Variants in RAPGEF2 observed in about 807,000 individuals in gnomAD.
The protein encoded by RAPGEF2 is Rap guanine nucleotide exchange factor 2, also known as PDZ domain containing guanine nucleotide exchange factor (GEF) 1.
In RAPGEF2, 54 loss-of-function variants were observed where a neutral mutation model predicts 186.7. The ratio of observed to expected loss-of-function variants is 0.29; its 90% CI spans 0.23 to 0.36. The LOEUF (loss-of-function observed/expected upper bound fraction) is 0.36. RAPGEF2 is among the 10% of genes least tolerant of loss of function. The pLI, the probability that RAPGEF2 is intolerant of heterozygous loss-of-function variation, is 1.00. For missense variants in RAPGEF2, 1,532 were observed against 2,045.0 expected, an observed-to-expected ratio of 0.75 and a Z score of 4.84; for synonymous variants, 712 against 705.9, an observed-to-expected ratio of 1.01 and a Z score of -0.14.
At chr4:159,250,869 T>C (rs1755252658) in intron 7 of RAPGEF2, among the ~76,000 whole-genome samples, 1 of 152,058 alleles carries the variant, frequency 6.6e-6, no homozygotes, top group Non-Finnish European at 1.5e-5. Flanking sequence ...GGGGCCCCTC[T>C]CTGGGCTGGG....
rs1443211747 is a variant in RAPGEF2 at position 159,338,439 on chromosome 4, A to G, written c.2264A>G (p.His755Arg). 1 of 1,614,062 alleles carries G rather than the reference A, an allele frequency of 6.2e-7. No individual in the cohort carries two copies. The highest frequency in any genetic ancestry group is 8.5e-7 in the Non-Finnish European group (1 of 1,179,938). ...SSNPDLLQSH[H>R]RILDFSATPD... ...AATCCTGATTTATTGCAGTCACATCATCGCATTTTAGACTTCAGTGCTACT... is the reference window on the plus strand; with the variant it reads ...AATCCTGATTTATTGCAGTCACATCGTCGCATTTTAGACTTCAGTGCTACT... Residue 755 changes from histidine to arginine, a missense_variant, in exon 18 of 30, where the codon CAT (histidine) becomes CGT (arginine). Transcript: ENST00000691494.
chr4:159,172,294 C>G (rs1745991762), intron 1 of RAPGEF2, among the ~76,000 whole-genome samples: 1 of 152,176 alleles, frequency 6.6e-6, no homozygotes, highest in South Asian at 2.1e-4. Flanking sequence ...CCCAACCACC[C>G]TTTATAACAC....
At chr4:159,213,257 C>A (rs1181654292) in intron 4 of RAPGEF2, among the ~76,000 whole-genome samples, 1 of 152,150 alleles carries the variant, frequency 6.6e-6, no homozygotes, top group South Asian at 2.1e-4. Context: ...TGAAGATTGG[C>A]GTTAGTGATT....
In RAPGEF2 at chr4:159,356,154, G is replaced by A; in HGVS notation, c.4953G>A (p.Glu1651=). 6.2e-7 allele frequency: 1 copy of A among 1,613,448 alleles called. No homozygotes were observed. The highest frequency in any genetic ancestry group is 1.1e-5 in the South Asian group (1 of 91,050). ...AGTCCCAAGGGTTTTCCACCGAGGA[G>A]GATGGTATATGCACATAAATATTCC... ...PYQSQGFSTE[E]DEDEQVSAV Residue 1651 remains glutamate, a synonymous_variant, in exon 29 of 30, where the codon GAG becomes GAA. Transcript: ENST00000691494.
intron 7 of RAPGEF2, among the ~76,000 whole-genome samples, chr4:159,273,688 TTCTTTC>T (rs1429930257): frequency 2.1e-5 from 3 of 139,690 alleles, no homozygotes; most frequent in African/African-American, 5.3e-5. Flanking sequence ...CTTTCTTTCT[TTCTTTC>T]TTTCTTTCTC....
intron 2 of RAPGEF2, 107 bp from the exon 3 acceptor site, chr4:159,193,093 A>G: frequency 2.0e-6 from 1 of 488,534 alleles, no homozygotes; most frequent in Non-Finnish European, 3.3e-6. Context: ...GTGACAAACC[A>G]TATAAAATAA....
intron 7 of RAPGEF2, among the ~76,000 whole-genome samples, chr4:159,255,755 T>C (rs953194601): frequency 6.6e-6 from 1 of 152,186 alleles, no homozygotes; most frequent in African/African-American, 2.4e-5. Flanking sequence ...TTATTGTAAA[T>C]ACCATGTTTT....
chr4:159,316,221 T>C (rs920326633), intron 9 of RAPGEF2, among the ~76,000 whole-genome samples: 5 of 152,288 alleles, frequency 3.3e-5, no homozygotes, highest in African/African-American at 1.2e-4. Flanking sequence ...TATGGCCTGG[T>C]TTTTCCTAGG....
chr4:159,313,324 T>C (rs1764169991), intron 8 of RAPGEF2, among the ~76,000 whole-genome samples: 1 of 152,254 alleles, frequency 6.6e-6, no homozygotes, highest in African/African-American at 2.4e-5. Flanking sequence ...GGTTGTAGTC[T>C]TGATTCCACA....
intron 1 of RAPGEF2, among the ~76,000 whole-genome samples, chr4:159,181,045 TACTA>T (rs1330740436): frequency 1.3e-5 from 2 of 152,250 alleles, no homozygotes; most frequent in Non-Finnish European, 2.9e-5. Flanking sequence ...ATGTATATCA[TACTA>T]ACACACATAA....
chr4:159,127,282 C>T lies in RAPGEF2; in HGVS notation c.69+23051C>T, dbSNP rs149982321. ...CCTCAGGTGATCCGCCTGCCTTGGC[C>T]TCCCAAAGTGCTGGGATTACAGGTG... On this transcript the variant is annotated intron_variant, in intron 1 of 29. Coordinates refer to ENST00000691494, the MANE Select transcript of RAPGEF2 (RefSeq NM_001394067.2). Among the ~76,000 whole-genome samples, 1,404 of 152,320 alleles carry T rather than the reference C, an allele frequency of 9.2e-3. 23 individuals carry two copies. Among genetic ancestry groups the T allele is most frequent in the African/African-American group, 0.031 (1,309 of 41,560 alleles).
intron 1 of RAPGEF2, among the ~76,000 whole-genome samples, chr4:159,152,582 A>G (rs1743671285): frequency 6.6e-6 from 1 of 152,284 alleles, no homozygotes; most frequent in African/African-American, 2.4e-5. Flanking sequence ...TTCTTGTAAT[A>G]TCCCCTACTG....
intron 7 of RAPGEF2, among the ~76,000 whole-genome samples, chr4:159,273,641 T>C (rs866631103): frequency 6.2e-4 from 68 of 109,240 alleles, no homozygotes; most frequent in African/African-American, 2.3e-3. Flanking sequence ...TTTCTTTCTT[T>C]CTTTCTTTCT....
At chr4:159,286,654 GA>G (rs1561213528) in intron 7 of RAPGEF2, among the ~76,000 whole-genome samples, 4 of 152,104 alleles carry the variant, frequency 2.6e-5, no homozygotes, top group African/African-American at 9.6e-5. Context: ...CCATTGCTTT[GA>G]TCCTCCCTTT....
chr4:159,248,922 T>C (rs540628781), intron 7 of RAPGEF2, among the ~76,000 whole-genome samples: 2 of 152,322 alleles, frequency 1.3e-5, no homozygotes, highest in East Asian at 3.9e-4. Context: ...AACTCCGGTG[T>C]CCACTGGGAT....
chr4:159,191,892 A>G (rs1748164030), intron 2 of RAPGEF2, among the ~76,000 whole-genome samples: 1 of 152,198 alleles, frequency 6.6e-6, no homozygotes, highest in South Asian at 2.1e-4. Context: ...GAGTTATGTT[A>G]CATATTAGAG....
intron 8 of RAPGEF2, among the ~76,000 whole-genome samples, chr4:159,312,118 G>T (rs1352017540): frequency 6.6e-6 from 1 of 151,824 alleles, no homozygotes; most frequent in African/African-American, 2.4e-5. Flanking sequence ...TTATTTCTTT[G>T]GGATGGTATA....
Position 159,359,426 on chromosome 4 carries a change from A to T in RAPGEF2, c.*1287A>T, listed in dbSNP as rs1228278844. On this transcript the variant is annotated 3_prime_UTR_variant, in exon 30 of 30. Transcript: ENST00000691494. The stretch of plus-strand genomic sequence containing the variant: ...ATATAGAGAAGGCCTAAGTGTAGCA[A>T]CCATCTGCTCACAGCTGCTATTAAC... 1 of 152,162 alleles carries T rather than the reference A, an allele frequency of 6.6e-6. No individual in the cohort carries two copies. The allele number at this position is 152,162 out of a possible 1,614,324, so 9.4% of individuals were successfully genotyped here. A position where few individuals can be genotyped will look rare whatever the true frequency, so the allele number is the denominator to read the frequency against.
intron 7 of RAPGEF2, among the ~76,000 whole-genome samples, chr4:159,266,202 G>T (rs1173667182): frequency 6.6e-6 from 1 of 152,100 alleles, no homozygotes; most frequent in Non-Finnish European, 1.5e-5. Flanking sequence ...TGGGGGGATG[G>T]GGAGAAGGAT....
Sources: allele counts gnomAD v4.1 joint callset (sites outside exome capture counted in the v4.1 genomes callset), GRCh38; gene constraint gnomAD v4.1.1; transcripts MANE v1.5; gene names NCBI Gene and HGNC (gene_info 2026-07-23, HGNC 2026-07-21).